The following BZW1 variants were observed in gnomAD, a reference collection of about 807,000 sequenced individuals.
The protein encoded by BZW1 is basic leucine zipper and W2 domains 1.
BZW1 carries 3 observed loss-of-function variants against 54.1 expected under a neutral mutation model. That is an observed-to-expected ratio of 0.06 (90% CI 0.03 to 0.14). The LOEUF (loss-of-function observed/expected upper bound fraction) is 0.14, where lower values mean the gene tolerates loss of function less well. Among genes scored for constraint, BZW1 ranks in the 10% least tolerant of loss-of-function variants. The probability of loss-of-function intolerance (pLI) is 1.00; values close to 1 mark genes in which losing one functional copy is unlikely to be tolerated. For synonymous variants in BZW1, 152 were observed against 162.7 expected, an observed-to-expected ratio of 0.93 and a Z score of 0.50; for missense variants, 206 against 491.7, an observed-to-expected ratio of 0.42 and a Z score of 5.50.
In BZW1 at chr2:200,826,376, G is replaced by GATAC. The variant is rs1359607119; in HGVS notation, c.*4201_*4202insCATA. 155 of 47,250 alleles carry GATAC rather than the reference G, an allele frequency of 3.3e-3. No individual in the cohort carries two copies. The highest frequency in any genetic ancestry group is 0.012 in the African/African-American group (142 of 11,848). The allele number at this position is 47,250 out of a possible 1,614,324, so 2.9% of individuals were successfully genotyped here. ...AATGAGTTGATGGGATGAAGATATAGATAGATAGATAGATAGATAGATAGA... is the reference window on the plus strand; with the variant it reads ...AATGAGTTGATGGGATGAAGATATAGATACATAGATAGATAGATAGATAGATAGA... On this transcript the variant is annotated 3_prime_UTR_variant, in exon 12 of 12. Transcript: ENST00000409600.
In BZW1 at chr2:200,817,994, G is replaced by T; in HGVS notation, c.559G>T (p.Val187Leu). Residue 187 changes from valine to leucine, a missense_variant, in exon 7 of 12, where the codon GTG becomes TTG. Coordinates refer to ENST00000409600, the MANE Select transcript of BZW1 (RefSeq NM_001207067.2). ...TACAGGAGTTTCAGCAGCTTTTGCT[G>T]TGAAGCTCTTTAAATCATGGATAAA... ...VKEGVSAAFA[V>L]KLFKSWINEK... is the part of the protein sequence containing the mutation. 1 of 1,550,198 alleles carries T rather than the reference G, an allele frequency of 6.5e-7. No homozygotes were observed. The highest frequency in any genetic ancestry group is 8.7e-7 in the Non-Finnish European group (1 of 1,146,218).
intron 1 of BZW1, chr2:200,812,227 T>A (rs1211048821): frequency 8.1e-7 from 1 of 1,228,224 alleles, no homozygotes; most frequent in East Asian, 3.2e-5. Context: ...CGGCGCTGGC[T>A]GCGAAGGCAG....
At chr2:200,821,630 C>A (rs1408687842) in intron 11 of BZW1, among the ~76,000 whole-genome samples, 1 of 151,942 alleles carries the variant, frequency 6.6e-6, no homozygotes, top group Non-Finnish European at 1.5e-5. Flanking sequence ...AACTCCTGGG[C>A]TCAAACAACC....
chr2:200,813,132 A>C, intron 1 of BZW1, 76 bp from the exon 2 acceptor site: 1 of 1,236,934 alleles, frequency 8.1e-7, no homozygotes, highest in Non-Finnish European at 1.2e-6. Context: ...ATATGTGACT[A>C]GACTAAGGTT....
At position 200,826,393 on chromosome 2, in the gene BZW1, ATAGATAGATAGATATTTTTTTTTTT is replaced by A. The variant is rs1172333918; in HGVS notation, c.*4217_*4241del. ...AAGATATAGATAGATAGATAGATAG[ATAGATAGATAGATATTTTTTTTTTT>A]TTTTTTTTTTTTTTTTTTTTTTTTG... On this transcript the variant is annotated 3_prime_UTR_variant, in exon 12 of 12. Coordinates refer to ENST00000409600, the MANE Select transcript of BZW1 (RefSeq NM_001207067.2). The A allele has an allele frequency of 1.2e-4, 14 of 113,132 alleles. No individual in the cohort carries two copies. The highest frequency in any genetic ancestry group is 5.0e-4 in the African/African-American group (14 of 27,846). 7.0% of individuals were successfully genotyped at this position (113,132 alleles called of 1,614,324 possible).
chr2:200,822,119 G>T (rs1285076035), intron 11 of BZW1, 28 bp from the exon 12 acceptor site: 1 of 1,591,074 alleles, frequency 6.3e-7, no homozygotes, highest in South Asian at 1.1e-5. Flanking sequence ...GATACATAAT[G>T]TTTGACTGTT....
At position 200,824,871 on chromosome 2, in the gene BZW1, A is replaced by G. The variant is rs920156547; in HGVS notation, c.*2693A>G. The G allele has an allele frequency of 2.6e-5, 4 of 151,952 alleles. No individual in the cohort carries two copies. The East Asian group carries it at 7.8e-4, about 30-fold the overall frequency. 9.4% of individuals were successfully genotyped at this position (151,952 alleles called of 1,614,324 possible). On this transcript the variant is annotated 3_prime_UTR_variant, in exon 12 of 12. Transcript: ENST00000409600. ...GTATTTTTAGTAGAGACGAGGTTTC[A>G]CCGGATTAGCGAGGATGGTCTCAAT... is the stretch of plus-strand genomic sequence containing the variant.
intron 5 of BZW1, among the ~76,000 whole-genome samples, chr2:200,816,888 A>C (rs1357286152): frequency 6.6e-6 from 1 of 152,202 alleles, no homozygotes; most frequent in Non-Finnish European, 1.5e-5. Flanking sequence ...AAACCCTGTG[A>C]GGCAAGTTTT....
chr2:200,818,967 C>T (rs2038400429), intron 9 of BZW1, 66 bp downstream of exon 9: 1 of 1,481,926 alleles, frequency 6.7e-7, no homozygotes, highest in East Asian at 2.6e-5. Context: ...TGAACTGTGA[C>T]TATATTTTTC....
chr2:200,817,940 G>C (rs1201752522), intron 6 of BZW1, 34 bp from the exon 7 acceptor site: 1 of 1,420,296 alleles, frequency 7.0e-7, no homozygotes, highest in Non-Finnish European at 9.7e-7. Context: ...ACCAGGGAAG[G>C]TACTTCTGTT....
rs568106193 is a variant in BZW1 at position 200,826,005 on chromosome 2, T to C, written c.*3827T>C. The C allele has an allele frequency of 6.6e-6, 1 of 152,338 alleles. No individual in the cohort carries two copies. The highest frequency in any genetic ancestry group is 6.5e-5 in the Admixed American group (1 of 15,304). The allele number at this position is 152,338 out of a possible 1,614,324, so 9.4% of individuals were successfully genotyped here. Reference sequence around the variant, plus strand: ...CTAGTATCAATACGAAGTTTTTCTATTCCCCAGCCTACTAAGGCCTACAGG... The same window carrying C: ...CTAGTATCAATACGAAGTTTTTCTACTCCCCAGCCTACTAAGGCCTACAGG... On this transcript the variant is annotated 3_prime_UTR_variant, in exon 12 of 12. Transcript: ENST00000409600.
chr2:200,813,049 A>G, intron 1 of BZW1, 159 bp from the exon 2 acceptor site: 1 of 695,156 alleles, frequency 1.4e-6, no homozygotes, highest in Non-Finnish European at 2.7e-6. Context: ...ATTCAAGTGC[A>G]GGTAATTCTT....
Position 200,826,407 on chromosome 2 carries a change from ATTTTTTTTTTTTTTTTTTT to A in BZW1, c.*4246_*4264del, listed in dbSNP as rs374592876. On this transcript the variant is annotated 3_prime_UTR_variant, in exon 12 of 12. Coordinates refer to ENST00000409600, the MANE Select transcript of BZW1 (RefSeq NM_001207067.2). ...TAGATAGATAGATAGATAGATAGATATTTTTTTTTTTTTTTTTTTTTTTTTTTTTTTTTTTGAGACAGAG... is the reference window on the plus strand; with the variant it reads ...TAGATAGATAGATAGATAGATAGATATTTTTTTTTTTTTTTTGAGACAGAG... The A allele has an allele frequency of 2.4e-4, 13 of 54,948 alleles. No individual in the cohort carries two copies. The highest frequency in any genetic ancestry group is 8.5e-4 in the African/African-American group (10 of 11,774). The allele number at this position is 54,948 out of a possible 1,614,324, so 3.4% of individuals were successfully genotyped here.
chr2:200,820,401 T>G (rs1417816090), intron 10 of BZW1, among the ~76,000 whole-genome samples: 1 of 152,208 alleles, frequency 6.6e-6, no homozygotes, highest in African/African-American at 2.4e-5. Flanking sequence ...AAAGTTCAGC[T>G]AGGTGTGGTG....
At chr2:200,815,189 G>A (rs1187663632) in intron 2 of BZW1, among the ~76,000 whole-genome samples, 152 bp from the exon 3 acceptor site, 4 of 152,212 alleles carry the variant, frequency 2.6e-5, no homozygotes, top group Non-Finnish European at 1.5e-5. Flanking sequence ...TTGTGAGTGG[G>A]CCATCTTGTC....
rs1433314468 is a variant in BZW1, at chr2:200,815,427, G to A, written c.151G>A (p.Ala51Thr). 2.5e-6 allele frequency: 4 copies of A among 1,614,004 alleles called. No individual in the cohort carries two copies. The highest frequency in any genetic ancestry group is 3.4e-6 in the Non-Finnish European group (4 of 1,179,890). The change falls in exon 3 of 12, where the codon GCT becomes ACT. Residue 51 changes from alanine to threonine, a missense_variant. By Grantham distance (58) the Ala-to-Thr change is moderately conservative. Around this residue, in one of 5 missense-constraint regions of BZW1, gnomAD observed 81 missense variants for 257.1 expected, o/e 0.32. Transcript: ENST00000409600. ...AACCGGTACTGATTTGGAAGCAGTA[G>A]CTAAGTTTCTTGATGCTTCTGGAGC... ...TETGTDLEAVAKFLDASGAKL... is the reference protein window; with the variant it reads ...TETGTDLEAVTKFLDASGAKL...
chr2:200,819,724 C>T (rs1260209917), intron 9 of BZW1, among the ~76,000 whole-genome samples: 2 of 152,002 alleles, frequency 1.3e-5, no homozygotes, highest in Non-Finnish European at 2.9e-5. Flanking sequence ...TTAGTAGAGA[C>T]GAGCTTTTAC....
intron 1 of BZW1, chr2:200,812,321 G>C (rs2038099233): frequency 7.9e-7 from 1 of 1,260,490 alleles, no homozygotes; most frequent in African/African-American, 1.5e-5. Context: ...TACGCGTGGG[G>C]GCTTCCGGCG....
At position 200,812,485 on chromosome 2, in the gene BZW1, G is replaced by A. The variant is rs372018053; in HGVS notation, c.-11+495G>A. On this transcript the variant is annotated intron_variant, in intron 1 of 11. Transcript: ENST00000409600. ...GCTCGTTGCGGCGGCCGCCACCGCA[G>A]GCGACAGGGTCAGTGGAGAAAGAGC... The A allele has an allele frequency of 6.8e-4, 916 of 1,338,106 alleles. 4 individuals carry two copies. The African/African-American group carries it at 0.012, about 18-fold the overall frequency. The allele number at this position is 1,338,106 out of a possible 1,614,324, so 82.9% of individuals were successfully genotyped here.
Sources: gnomAD v4.1 joint callset for allele counts (sites outside exome capture counted in the v4.1 genomes callset) on GRCh38, gnomAD v4.1.1 for gene constraint, gnomAD v4.1.1 regional missense constraint, MANE v1.5 for transcripts, NCBI Gene and HGNC (gene_info 2026-07-23, HGNC 2026-07-21) for gene names.